CCDC171: variants seen among roughly 807,000 people sequenced by gnomAD.
CCDC171 encodes coiled-coil domain containing 171.
Under a neutral mutation model 168.2 loss-of-function variants are expected in CCDC171, and 177 were observed. That is an observed-to-expected ratio of 1.05 (90% CI 0.93 to 1.19). CCDC171 has a LOEUF of 1.19. Ranked by LOEUF, CCDC171 falls within the 50% of genes most tolerant of loss-of-function variation. The pLI is 0.00. For missense variants in CCDC171, 1,991 were observed against 1,539.0 expected (o/e 1.29, Z -4.91); for synonymous variants, 687 against 540.8 (o/e 1.27, Z -3.75).
chr9:16,007,252 A>G (rs1238608523), intron 3 of CCDC171, among the ~76,000 whole-genome samples: 2 of 152,056 alleles, frequency 1.3e-5, no homozygotes, highest in South Asian at 2.1e-4. Flanking sequence ...GTCTGTTCAT[A>G]TCCTTTGCCC....
chr9:15,833,773 T>C (rs2060332010), intron 21 of CCDC171, among the ~76,000 whole-genome samples: 1 of 152,210 alleles, frequency 6.6e-6, no homozygotes, highest in Non-Finnish European at 1.5e-5. Flanking sequence ...AATTTGCAGA[T>C]AATAATTTCT....
intron 25 of CCDC171, 131 bp downstream of exon 25, chr9:15,920,553 A>G (rs1825181732): frequency 7.6e-6 from 5 of 657,542 alleles, no homozygotes; most frequent in Non-Finnish European, 1.2e-5. Flanking sequence ...CAAGTGACAT[A>G]AAATTATTTG....
chr9:15,776,931 T>C (rs2057357769), intron 18 of CCDC171, among the ~76,000 whole-genome samples: 1 of 152,210 alleles, frequency 6.6e-6, no homozygotes, highest in South Asian at 2.1e-4. Context: ...TAATGACAGA[T>C]TAAGACCTAC....
intron 23 of CCDC171, among the ~76,000 whole-genome samples, chr9:15,862,444 T>G (rs1273877988): frequency 2.6e-5 from 4 of 151,980 alleles, no homozygotes; most frequent in Non-Finnish European, 5.9e-5. Flanking sequence ...ACTTTGTTCA[T>G]GTATTATTTT....
At chr9:15,575,576 G>C (rs910271844) in intron 3 of CCDC171, among the ~76,000 whole-genome samples, 1 of 152,114 alleles carries the variant, frequency 6.6e-6, no homozygotes, top group African/African-American at 2.4e-5. Context: ...CTTGAGAGCA[G>C]GGATTCTTAA....
intron 25 of CCDC171, among the ~76,000 whole-genome samples, chr9:15,960,677 T>C (rs1830250691): frequency 1.3e-5 from 2 of 152,214 alleles, no homozygotes; most frequent in South Asian, 4.1e-4. Context: ...AACTAAGTGA[T>C]TTGTTTTAGA....
chr9:15,910,584 A>C (rs892007900), intron 24 of CCDC171, among the ~76,000 whole-genome samples: 2 of 152,076 alleles, frequency 1.3e-5, no homozygotes, highest in African/African-American at 2.4e-5. Flanking sequence ...TCTGGGATAC[A>C]TGTGCAGAAT....
intron 24 of CCDC171, among the ~76,000 whole-genome samples, chr9:15,905,416 A>G (rs1822416432): frequency 6.6e-6 from 1 of 152,210 alleles, no homozygotes; most frequent in South Asian, 2.1e-4. Context: ...CTGCTCCTGA[A>G]TGACTACTGG....
intron 18 of CCDC171, among the ~76,000 whole-genome samples, chr9:15,774,205 C>T (rs2057171620): frequency 7.6e-6 from 1 of 131,334 alleles, no homozygotes; most frequent in African/African-American, 2.9e-5. Flanking sequence ...GAGATCTCAT[C>T]ATTGCACTCC....
At chr9:16,032,628 G>T (rs1409623747) in intron 6 of CCDC171, among the ~76,000 whole-genome samples, 2 of 152,132 alleles carry the variant, frequency 1.3e-5, no homozygotes, top group Non-Finnish European at 2.9e-5. Flanking sequence ...AGAGAACTTT[G>T]TTTTTTAGAG....
At chr9:15,941,860 T>A (rs929003853) in intron 25 of CCDC171, among the ~76,000 whole-genome samples, 70 of 152,114 alleles carry the variant, frequency 4.6e-4, no homozygotes, top group African/African-American at 1.6e-3. Context: ...ATTGTTTTTT[T>A]AAATTGGTTT....
intron 3 of CCDC171, among the ~76,000 whole-genome samples, chr9:15,574,382 A>G (rs1453943377): frequency 6.6e-6 from 1 of 151,444 alleles, no homozygotes; most frequent in Non-Finnish European, 1.5e-5. Context: ...TGACTTTGTG[A>G]TCCACCCGCC....
intron 6 of CCDC171, among the ~76,000 whole-genome samples, chr9:15,598,024 A>G (rs1038871777): frequency 1.3e-5 from 2 of 150,722 alleles, no homozygotes; most frequent in Non-Finnish European, 3.0e-5. Context: ...TGTCTATTTG[A>G]TTCTTCTCTC....
rs1238691148 is a variant in CCDC171 at position 15,553,072 on chromosome 9, G to A, written c.-342G>A. 1 of 152,490 alleles carries A rather than the reference G, an allele frequency of 6.6e-6. No homozygotes were observed. The highest frequency in any genetic ancestry group is 1.5e-5 in the Non-Finnish European group (1 of 68,264). 9.4% of individuals were successfully genotyped at this position (152,490 alleles called of 1,614,324 possible). A position where few individuals can be genotyped will look rare whatever the true frequency, so the allele number is the denominator to read the frequency against. On this transcript the variant is annotated 5_prime_UTR_variant, in exon 1 of 26. Coordinates refer to ENST00000380701, the MANE Select transcript of CCDC171 (RefSeq NM_173550.4). ...GTCTGGGAAGGTCTGCGAGAGAAGC[G>A]GAGTGTTTTCAGCTCCGGAAGTGGC...
intron 7 of CCDC171, among the ~76,000 whole-genome samples, chr9:15,627,915 G>T (rs906623370): frequency 3.3e-5 from 5 of 152,186 alleles, no homozygotes; most frequent in African/African-American, 1.2e-4. Flanking sequence ...TTGACAGTGG[G>T]GTGTTAAAGT....
chr9:16,068,737 C>A, the CCDC171 span, among the ~76,000 whole-genome samples: 1 of 141,478 alleles, frequency 7.1e-6, no homozygotes, highest in Non-Finnish European at 1.6e-5. Flanking sequence ...CGATTACATA[C>A]AACAGAAACC....
Position 15,971,695 on chromosome 9 carries a change from AT to A in CCDC171, c.3842del (p.Leu1281Ter). The A allele has an allele frequency of 6.2e-7, 1 of 1,613,950 alleles. No homozygotes were observed. Among genetic ancestry groups the A allele is most frequent in the South Asian group, 1.1e-5 (1 of 91,064 alleles). On this transcript the variant is annotated frameshift_variant, in exon 26 of 26. Coordinates refer to ENST00000380701, the MANE Select transcript of CCDC171 (RefSeq NM_173550.4). LOFTEE classifies it high-confidence loss of function. ...DTTGIGDFLP[L>X]KAELDTTYTF... The stretch of plus-strand genomic sequence containing the variant: ...CAACTGGTATTGGGGATTTCTTACC[AT>A]TGAAAGCTGAACTTGATACTACTTA...
intron 25 of CCDC171, among the ~76,000 whole-genome samples, chr9:15,929,783 T>C (rs1409275209): frequency 6.6e-6 from 1 of 151,766 alleles, no homozygotes; most frequent in African/African-American, 2.4e-5. Context: ...GGTCATAGCA[T>C]TACTGAAAAC....
chr9:15,653,087 C>T (rs1002026627), intron 7 of CCDC171, among the ~76,000 whole-genome samples: 2 of 152,064 alleles, frequency 1.3e-5, no homozygotes, highest in African/African-American at 4.8e-5. Flanking sequence ...TCTGTTTAGT[C>T]GTGAAAGTCT....
Sources: gnomAD v4.1 joint callset for allele counts (sites outside exome capture counted in the v4.1 genomes callset) on GRCh38, gnomAD v4.1.1 for gene constraint, MANE v1.5 for transcripts, NCBI Gene and HGNC (gene_info 2026-07-23, HGNC 2026-07-21) for gene names.